Variants in RAPGEF5 observed in about 807,000 individuals in gnomAD.
RAPGEF5 encodes the protein M-Ras-regulated GEF.
A neutral mutation model predicts 125.2 loss-of-function variants in RAPGEF5; 65 were observed. That is an observed-to-expected ratio of 0.52 (90% CI 0.43 to 0.64). RAPGEF5 has a LOEUF of 0.64. Among genes scored for constraint, RAPGEF5 ranks in the 30% least tolerant of loss-of-function variants. The pLI is 0.00. For synonymous variants in RAPGEF5, 391 were observed against 385.9 expected (o/e 1.01, Z -0.16); for missense variants, 958 against 1,048.1 (o/e 0.91, Z 1.19).
chr7:22,161,331 A>C (rs1340024407), intron 13 of RAPGEF5, among the ~76,000 whole-genome samples: 1 of 152,170 alleles, frequency 6.6e-6, no homozygotes, highest in Non-Finnish European at 1.5e-5. Flanking sequence ...GCTTGAGCTG[A>C]GTACGAGACC....
At chr7:22,303,400 C>T (rs1216189502) in intron 5 of RAPGEF5, among the ~76,000 whole-genome samples, 1 of 152,154 alleles carries the variant, frequency 6.6e-6, no homozygotes, top group African/African-American at 2.4e-5. Context: ...TTCAAACTAG[C>T]TTAGAAAACT....
chr7:22,244,620 G>A (rs1786429589), intron 7 of RAPGEF5, among the ~76,000 whole-genome samples: 1 of 151,980 alleles, frequency 6.6e-6, no homozygotes, highest in Non-Finnish European at 1.5e-5. Context: ...ATGGTGAGTT[G>A]TATAATTATT....
At chr7:22,354,324 A>G (rs1784382423) in intron 1 of RAPGEF5, among the ~76,000 whole-genome samples, 2 of 152,184 alleles carry the variant, frequency 1.3e-5, no homozygotes, top group Admixed American at 1.3e-4. Flanking sequence ...ATTTCTGTTA[A>G]CTTATCCCTG....
chr7:22,195,871 C>A (rs1484584119), intron 9 of RAPGEF5, among the ~76,000 whole-genome samples: 3 of 152,246 alleles, frequency 2.0e-5, no homozygotes, highest in African/African-American at 7.2e-5. Context: ...TGCGCCAATA[C>A]TCATTTTATA....
At chr7:22,201,284 C>T (rs746171956) in intron 9 of RAPGEF5, among the ~76,000 whole-genome samples, 3 of 152,172 alleles carry the variant, frequency 2.0e-5, no homozygotes, top group African/African-American at 2.4e-5. Flanking sequence ...GATCTCTTGC[C>T]GATGCTTCCC....
intron 9 of RAPGEF5, among the ~76,000 whole-genome samples, chr7:22,209,126 G>C (rs1785456325): frequency 6.6e-6 from 1 of 152,226 alleles, no homozygotes; most frequent in Non-Finnish European, 1.5e-5. Flanking sequence ...ATAAAGGTCA[G>C]AGGTGATTGC....
At chr7:22,303,202 C>T (rs912308014) in intron 5 of RAPGEF5, among the ~76,000 whole-genome samples, 1 of 152,194 alleles carries the variant, frequency 6.6e-6, no homozygotes, top group Admixed American at 6.5e-5. Context: ...CAACTCTCTG[C>T]TTAAAATAAA....
chr7:22,209,382 A>G (rs952275861), intron 9 of RAPGEF5, among the ~76,000 whole-genome samples: 4 of 152,178 alleles, frequency 2.6e-5, no homozygotes, highest in African/African-American at 9.7e-5. Flanking sequence ...GTGTAAATCA[A>G]TACCTACTTG....
At chr7:22,354,949 C>T (rs1258440347) in intron 1 of RAPGEF5, among the ~76,000 whole-genome samples, 1 of 152,196 alleles carries the variant, frequency 6.6e-6, no homozygotes, top group East Asian at 1.9e-4. Context: ...TTGTTTTTCT[C>T]CTTCTTTCAA....
chr7:22,156,628 T>C (rs1783817138), intron 16 of RAPGEF5, among the ~76,000 whole-genome samples, 182 bp downstream of exon 16: 1 of 152,212 alleles, frequency 6.6e-6, no homozygotes, highest in African/African-American at 2.4e-5. Context: ...CAGTATTATG[T>C]GATCTAAGAA....
At chr7:22,164,135 G>C (rs1488629354) in intron 12 of RAPGEF5, among the ~76,000 whole-genome samples, 2 of 152,112 alleles carry the variant, frequency 1.3e-5, no homozygotes, top group Non-Finnish European at 2.9e-5. Flanking sequence ...GGAGTTTAAG[G>C]CCAGCCCAGG....
chr7:22,320,667 C>T (rs552919614), intron 1 of RAPGEF5, among the ~76,000 whole-genome samples: 1 of 152,280 alleles, frequency 6.6e-6, no homozygotes, highest in East Asian at 1.9e-4. Flanking sequence ...TTTTTCCTCT[C>T]AGCATCCCAG....
chr7:22,173,641 T>G (rs192590230), intron 11 of RAPGEF5, among the ~76,000 whole-genome samples: 61 of 152,358 alleles, frequency 4.0e-4, no homozygotes, highest in African/African-American at 1.4e-3. Context: ...TCATTCCGTC[T>G]TCAAGAAAGA....
At chr7:22,322,906 T>G (rs1783743996) in intron 1 of RAPGEF5, among the ~76,000 whole-genome samples, 1 of 152,222 alleles carries the variant, frequency 6.6e-6, no homozygotes, top group Non-Finnish European at 1.5e-5. Flanking sequence ...AATGGCAAAT[T>G]GAACCTCTCC....
chr7:22,310,144 A>G (rs1783435696), intron 3 of RAPGEF5, 54 bp from the exon 4 acceptor site: 1 of 1,373,812 alleles, frequency 7.3e-7, no homozygotes. Flanking sequence ...CCGTTTGCCA[A>G]AAAAACAAAA....
intron 16 of RAPGEF5, 73 bp downstream of exon 16, chr7:22,156,737 A>T: frequency 1.2e-6 from 2 of 1,603,206 alleles, no homozygotes; most frequent in East Asian, 2.2e-5. Context: ...AGTCAGGCTG[A>T]TATGCCAATG....
chr7:22,193,602 C>T (rs1400910649), intron 10 of RAPGEF5, 147 bp from the exon 11 acceptor site: 22 of 1,550,942 alleles, frequency 1.4e-5, no homozygotes, highest in East Asian at 7.3e-5. Flanking sequence ...CTGAGAGCGC[C>T]GCGGCGGAAT....
chr7:22,205,830 C>T (rs1785384460), intron 9 of RAPGEF5, among the ~76,000 whole-genome samples: 1 of 152,200 alleles, frequency 6.6e-6, no homozygotes, highest in Non-Finnish European at 1.5e-5. Flanking sequence ...ATTTTAATGT[C>T]CTGATAACAG....
At chr7:22,326,777 T>C (rs1224214021) in intron 1 of RAPGEF5, among the ~76,000 whole-genome samples, 1 of 152,204 alleles carries the variant, frequency 6.6e-6, no homozygotes, top group Non-Finnish European at 1.5e-5. Flanking sequence ...GTTCTAATTA[T>C]ACAAGATACA....
Sources: allele counts gnomAD v4.1 joint callset (sites outside exome capture counted in the v4.1 genomes callset), GRCh38; gene constraint gnomAD v4.1.1; transcripts MANE v1.5; gene names NCBI Gene and HGNC (gene_info 2026-07-23, HGNC 2026-07-21).